The following PDE4B variants were observed in gnomAD, a reference collection of about 807,000 sequenced individuals.
The protein encoded by PDE4B is phosphodiesterase 4B, also known as 3',5'-cyclic-AMP phosphodiesterase 4B.
Under a neutral mutation model 82.2 loss-of-function variants are expected in PDE4B, and 20 were observed. That is an observed-to-expected ratio of 0.24 (90% confidence interval 0.17 to 0.35). The LOEUF (loss-of-function observed/expected upper bound fraction) is 0.35. Ranked by LOEUF, PDE4B falls within the 10% of genes least tolerant of loss-of-function variation. PDE4B has a pLI of 1.00. For missense variants in PDE4B, 655 were observed against 907.2 expected (o/e 0.72, Z 3.57); for synonymous variants, 320 against 318.9 (o/e 1.00, Z -0.04).
chr1:66,328,069 C>T (rs925603933), intron 7 of PDE4B, among the ~76,000 whole-genome samples: 31 of 152,220 alleles, frequency 2.0e-4, no homozygotes, highest in Non-Finnish European at 3.4e-4. Flanking sequence ...CAAAGATTAA[C>T]GAATAGTGTG....
chr1:66,191,172 T>A (rs1205587577), intron 3 of PDE4B, among the ~76,000 whole-genome samples: 2 of 152,186 alleles, frequency 1.3e-5, no homozygotes, highest in Non-Finnish European at 1.5e-5. Context: ...GTATACATTA[T>A]GAAAAATGGT....
chr1:65,950,506 G>T (rs1045540067), intron 3 of PDE4B, among the ~76,000 whole-genome samples: 2 of 152,034 alleles, frequency 1.3e-5, no homozygotes, highest in African/African-American at 4.8e-5. Flanking sequence ...TGCTCAATAG[G>T]GGAGTGAGGG....
chr1:65,833,896 AC>A (rs763446766), intron 1 of PDE4B, among the ~76,000 whole-genome samples: 1 of 152,136 alleles, frequency 6.6e-6, no homozygotes, highest in Non-Finnish European at 1.5e-5. Flanking sequence ...AAAATGCATC[AC>A]TTTCTAATTA....
intron 1 of PDE4B, among the ~76,000 whole-genome samples, chr1:65,906,715 T>C (rs1314864350): frequency 6.6e-6 from 1 of 152,176 alleles, no homozygotes; most frequent in Non-Finnish European, 1.5e-5. Flanking sequence ...TTAAGAATTC[T>C]TTCTTTTTTT....
At chr1:65,857,520 T>A (rs1646406724) in intron 1 of PDE4B, among the ~76,000 whole-genome samples, 1 of 152,186 alleles carries the variant, frequency 6.6e-6, no homozygotes. Context: ...TGTGGATACC[T>A]GATGCAAAAA....
At chr1:65,899,392 C>T (rs1030816172) in intron 1 of PDE4B, among the ~76,000 whole-genome samples, 1 of 151,942 alleles carries the variant, frequency 6.6e-6, no homozygotes, top group African/African-American at 2.4e-5. Context: ...ACTAGTGCAA[C>T]CACTATGGAA....
chr1:65,838,957 A>G (rs1417255905), intron 1 of PDE4B, among the ~76,000 whole-genome samples: 3 of 152,146 alleles, frequency 2.0e-5, no homozygotes. Flanking sequence ...TGTTTTGTAT[A>G]ATTTCATTGT....
chr1:65,910,863 G>C (rs1647082046), intron 1 of PDE4B, among the ~76,000 whole-genome samples: 2 of 152,346 alleles, frequency 1.3e-5, no homozygotes, highest in South Asian at 2.1e-4. Context: ...GACCAGAATG[G>C]AGAAGGGCCA....
At chr1:66,153,225 A>G (rs1215550714) in intron 3 of PDE4B, among the ~76,000 whole-genome samples, 3 of 151,670 alleles carry the variant, frequency 2.0e-5, no homozygotes, top group Non-Finnish European at 4.4e-5. Flanking sequence ...CTCCATCCCT[A>G]CTCTAGATTC....
At chr1:66,342,559 A>G (rs1181021648) in intron 8 of PDE4B, among the ~76,000 whole-genome samples, 4 of 146,630 alleles carry the variant, frequency 2.7e-5, no homozygotes, top group South Asian at 2.1e-4. Context: ...AAAAAAAAAA[A>G]AAAAAGAAAA....
At chr1:66,097,673 TTCTC>T (rs1461323065) in intron 3 of PDE4B, among the ~76,000 whole-genome samples, 2 of 151,994 alleles carry the variant, frequency 1.3e-5, no homozygotes, top group Non-Finnish European at 2.9e-5. Flanking sequence ...ATATTACTCT[TTCTC>T]TCTATCTTCT....
At chr1:66,155,140 G>C (rs539091827) in intron 3 of PDE4B, among the ~76,000 whole-genome samples, 2 of 152,232 alleles carry the variant, frequency 1.3e-5, no homozygotes, top group East Asian at 3.9e-4. Flanking sequence ...TGGAAAAAAA[G>C]AAAGTTACAT....
chr1:65,875,510 A>G (rs2100319263), intron 1 of PDE4B, among the ~76,000 whole-genome samples: 1 of 145,326 alleles, frequency 6.9e-6, no homozygotes, highest in African/African-American at 2.5e-5. Context: ...ACATATGTTT[A>G]TTGCGGCATT....
intron 3 of PDE4B, among the ~76,000 whole-genome samples, chr1:65,923,273 G>C (rs1271346917): frequency 6.6e-6 from 1 of 152,062 alleles, no homozygotes; most frequent in Admixed American, 6.6e-5. Flanking sequence ...AATAGTTACT[G>C]ATCTATAGGT....
At chr1:66,239,117 T>G (rs376965644) in intron 3 of PDE4B, among the ~76,000 whole-genome samples, 1 of 152,226 alleles carries the variant, frequency 6.6e-6, no homozygotes, top group Non-Finnish European at 1.5e-5. Context: ...AAAATCTTAT[T>G]TAATTAATAG....
chr1:65,939,326 ATCC>A (rs1648320205), intron 3 of PDE4B, among the ~76,000 whole-genome samples: 1 of 152,070 alleles, frequency 6.6e-6, no homozygotes, highest in African/African-American at 2.4e-5. Context: ...ATGAAGAGGC[ATCC>A]TCCTCCTTTC....
intron 7 of PDE4B, among the ~76,000 whole-genome samples, chr1:66,302,301 C>A (rs943231353): frequency 3.9e-5 from 6 of 152,134 alleles, no homozygotes; most frequent in Non-Finnish European, 8.8e-5. Flanking sequence ...AAAAAAGAAC[C>A]ACAGATGTGT....
chr1:66,015,819 G>A (rs1243637990), intron 3 of PDE4B, among the ~76,000 whole-genome samples: 1 of 152,146 alleles, frequency 6.6e-6, no homozygotes, highest in Non-Finnish European at 1.5e-5. Flanking sequence ...CTCAACCTTG[G>A]ACACCTGAAG....
chr1:66,285,261 A>T (rs1420597637), intron 7 of PDE4B, among the ~76,000 whole-genome samples: 1 of 152,206 alleles, frequency 6.6e-6, no homozygotes, highest in African/African-American at 2.4e-5. Context: ...CACAACACAA[A>T]TTGAAGACGT....
Sources: gnomAD v4.1 joint callset for allele counts (sites outside exome capture counted in the v4.1 genomes callset) on GRCh38, gnomAD v4.1.1 for gene constraint, MANE v1.5 for transcripts, NCBI Gene and HGNC (gene_info 2026-07-23, HGNC 2026-07-21) for gene names.